RBM14: variants seen among roughly 807,000 people sequenced by gnomAD.
RBM14 encodes RNA binding motif protein 14.
A neutral mutation model predicts 52.8 loss-of-function variants in RBM14; 5 were observed. The observed-to-expected ratio is 0.09, with a 90% CI of 0.05 to 0.20. RBM14 has a LOEUF of 0.20. Among genes scored for constraint, RBM14 ranks in the 10% least tolerant of loss-of-function variants. The pLI is 1.00. For synonymous variants in RBM14, 411 were observed against 401.8 expected, an observed-to-expected ratio of 1.02 and a Z score of -0.28; for missense variants, 780 against 926.6, an observed-to-expected ratio of 0.84 and a Z score of 2.05.
In RBM14 at chr11:66,616,656, C is replaced by A. The variant is rs1001772714; in HGVS notation, c.-65C>A. 4.0e-6 allele frequency: 6 copies of A among 1,502,630 alleles called. No individual in the cohort carries two copies. The highest frequency in any genetic ancestry group is 2.3e-5 in the Admixed American group (1 of 43,306). 93.1% of individuals were successfully genotyped at this position (1,502,630 alleles called of 1,614,324 possible). ...TTCCTGAGGAGGACTGCCGGTCGTT[C>A]GGACGTCTTGCCTGTCGCTGGAGGA... On this transcript the variant is annotated 5_prime_UTR_variant, in exon 1 of 3. Coordinates refer to ENST00000310137, the MANE Select transcript of RBM14 (RefSeq NM_006328.4).
Position 66,625,538 on chromosome 11 carries a change from G to T in RBM14, c.1662G>T (p.Pro554=). ...PGNAYDGAGQ[P]SAAYLSMSQG... ...ATGCCTACGATGGGGCAGGTCAGCC[G>T]TCTGCAGCCTACCTGTCCATGTCCC... Residue 554 remains proline (P), a synonymous_variant, in exon 2 of 3, where the codon CCG becomes CCT. Coordinates refer to ENST00000310137, the MANE Select transcript of RBM14 (RefSeq NM_006328.4). The surrounding 1 kb of genome is among the most constrained non-coding windows in gnomAD (Gnocchi z 4.2). The T allele has an allele frequency of 6.2e-7, 1 of 1,612,560 alleles. No individual in the cohort carries two copies. Among genetic ancestry groups the T allele is most frequent in the South Asian group, 1.1e-5 (1 of 91,018 alleles).
In RBM14 at chr11:66,628,929, T is replaced by A. The variant is rs1937932536; in HGVS notation, c.*2261T>A. ...ATGTTCTGTGTTGCAGCCCCAGCTCTTGAAAGTGACCTGGCCCAGATGAGC... is the reference window on the plus strand; with the variant it reads ...ATGTTCTGTGTTGCAGCCCCAGCTCATGAAAGTGACCTGGCCCAGATGAGC... On this transcript the variant is annotated 3_prime_UTR_variant, in exon 3 of 3. Transcript: ENST00000310137. 1.3e-5 allele frequency among the ~76,000 whole-genome samples: 2 copies of A among 152,178 alleles called. No individual in the cohort carries two copies. Among genetic ancestry groups the A allele is most frequent in the South Asian group, 4.1e-4 (2 of 4,828 alleles).
intron 1 of RBM14, chr11:66,623,757 G>C (rs1937654199): frequency 1.6e-6 from 1 of 644,210 alleles, no homozygotes; most frequent in South Asian, 1.8e-5. Flanking sequence ...CAAAACGTGA[G>C]TGGTCATTTC....
Position 66,627,598 on chromosome 11 carries a change from A to C in RBM14, c.*930A>C, listed in dbSNP as rs1659367791. 6.6e-6 allele frequency among the ~76,000 whole-genome samples: 1 copy of C among 152,162 alleles called. No individual in the cohort carries two copies. Among genetic ancestry groups the C allele is most frequent in the Non-Finnish European group, 1.5e-5 (1 of 68,030 alleles). ...CCCTCAACTTGAGTTAGTCACACCA[A>C]AATGCAGTAAATGATGCCCATTTTC... is the stretch of plus-strand genomic sequence containing the variant. On this transcript the variant is annotated 3_prime_UTR_variant, in exon 3 of 3. Coordinates refer to ENST00000310137, the MANE Select transcript of RBM14 (RefSeq NM_006328.4).
In RBM14 at chr11:66,616,943, C is replaced by G; in HGVS notation, c.223C>G (p.Pro75Ala). ...ALVVEMSRPR[P>A]LNTWKIFVGN... ...CGTGGTGGAGATGTCGCGCCCAAGGCCTCTTAATACTTGGAAGATTTTCGT... is the reference window on the plus strand; with the variant it reads ...CGTGGTGGAGATGTCGCGCCCAAGGGCTCTTAATACTTGGAAGATTTTCGT... Residue 75 changes from proline (P) to alanine (A), a missense_variant, in exon 1 of 3, where the codon CCT becomes GCT. Coordinates refer to ENST00000310137, the MANE Select transcript of RBM14 (RefSeq NM_006328.4). The G allele has an allele frequency of 6.2e-7, 1 of 1,612,522 alleles. No individual in the cohort carries two copies. Among genetic ancestry groups the G allele is most frequent in the Non-Finnish European group, 8.5e-7 (1 of 1,179,652 alleles).
chr11:66,623,799 C>T, intron 1 of RBM14: 2 of 693,468 alleles, frequency 2.9e-6, no homozygotes, highest in Non-Finnish European at 5.4e-6. Flanking sequence ...CAAAAGTGAG[C>T]TAGGCCTCAA....
chr11:66,621,329 A>G (rs1300311637), intron 1 of RBM14, among the ~76,000 whole-genome samples: 2 of 152,092 alleles, frequency 1.3e-5, no homozygotes, highest in African/African-American at 2.4e-5. Context: ...GGTGGTAGAT[A>G]AGGCTCTGGC....
At position 66,625,557 on chromosome 11, in the gene RBM14, A is replaced by G. The variant is rs373772928; in HGVS notation, c.1681A>G (p.Met561Val). 8.1e-6 allele frequency: 13 copies of G among 1,612,272 alleles called. No individual in the cohort carries two copies. Among genetic ancestry groups the G allele is most frequent in the African/African-American group, 8.0e-5 (6 of 74,814 alleles). ...AGQPSAAYLS[M>V]SQGAVANANS... The stretch of plus-strand genomic sequence containing the variant: ...TCAGCCGTCTGCAGCCTACCTGTCC[A>G]TGTCCCAGGGGGCCGTTGCCAACGC... Residue 561 changes from methionine to valine, a missense_variant, in exon 2 of 3, where the codon ATG (methionine) becomes GTG (valine). Met to Val is a conservative substitution (Grantham distance 21). Around this residue, in one of 4 missense-constraint regions of RBM14, gnomAD observed 675 missense variants for 697.3 expected, o/e 0.97. Transcript: ENST00000310137. This position sits in a 1 kb window ranked among gnomAD's most constrained non-coding sequence, Gnocchi z 4.2.
In RBM14 at chr11:66,624,653, T is replaced by C; in HGVS notation, c.777T>C (p.Val259=). 1 of 1,613,380 alleles carries C rather than the reference T, an allele frequency of 6.2e-7. No homozygotes were observed. The highest frequency in any genetic ancestry group is 8.5e-7 in the Non-Finnish European group (1 of 1,179,946). ...CCCAGCCTTCTGCCTCTTTGGGTGT[T>C]GGCTATCGGACTCAGCCCATGACAG... The part of the protein sequence containing the change: ...YRAQPSASLG[V]GYRTQPMTAQ... Residue 259 remains valine (V), a synonymous_variant, in exon 2 of 3, where the codon GTT becomes GTC. Transcript: ENST00000310137. This position sits in a 1 kb window ranked among gnomAD's most constrained non-coding sequence, Gnocchi z 4.7.
rs1396579057 is a variant in RBM14, at chr11:66,629,925, A to AG, written c.*3257_*3258insG. 9.0e-3 allele frequency among the ~76,000 whole-genome samples: 1,356 copies of AG among 150,852 alleles called. 22 individuals carry two copies. Among genetic ancestry groups the AG allele is most frequent in the African/African-American group, 0.031 (1,252 of 41,008 alleles). ...GACCTTGTCTCTACCAAAAGAAAAG[A>AG]AAAAAAAAAGCCAGCTGTGGTGGCA... On this transcript the variant is annotated 3_prime_UTR_variant, in exon 3 of 3. Coordinates refer to ENST00000310137, the MANE Select transcript of RBM14 (RefSeq NM_006328.4).
In RBM14 at chr11:66,620,232, C is replaced by G. The variant is rs1455025478; in HGVS notation, c.337+3175C>G. On this transcript the variant is annotated intron_variant, in intron 1 of 2. Coordinates refer to ENST00000310137, the MANE Select transcript of RBM14 (RefSeq NM_006328.4). ...TCCCCTCCAGTGTCAGGCTTAGAAA[C>G]TTCCTGATACAATTTGGTTATAATT... Among the ~76,000 whole-genome samples, 9 of 152,294 alleles carry G rather than the reference C, an allele frequency of 5.9e-5. No homozygotes were observed. The East Asian group carries it at 1.7e-3, about 29-fold the overall frequency.
At chr11:66,623,219 C>T (rs1281943434) in intron 1 of RBM14, among the ~76,000 whole-genome samples, 1 of 152,116 alleles carries the variant, frequency 6.6e-6, no homozygotes, top group African/African-American at 2.4e-5. Flanking sequence ...AACAGAAGCC[C>T]AAGGTGTAAG....
In RBM14 at chr11:66,625,747, G is replaced by T; in HGVS notation, c.1802+69G>T. ...GCAAGGGGCTGAGGTTGGCATGGGA[G>T]GGAAACTGGAGGCATCGGCCCCTCC... On this transcript the variant is annotated intron_variant, in intron 2 of 2. Coordinates refer to ENST00000310137, the MANE Select transcript of RBM14 (RefSeq NM_006328.4). The surrounding 1 kb of genome is among the most constrained non-coding windows in gnomAD (Gnocchi z 4.2). The T allele has an allele frequency of 7.8e-7, 1 of 1,289,994 alleles. No homozygotes were observed. Among genetic ancestry groups the T allele is most frequent in the African/African-American group, 1.5e-5 (1 of 67,360 alleles). 79.9% of individuals were successfully genotyped at this position (1,289,994 alleles called of 1,614,324 possible). A position where few individuals can be genotyped will look rare whatever the true frequency, so the allele number is the denominator to read the frequency against.
Position 66,624,834 on chromosome 11 carries a change from G to C in RBM14, c.958G>C (p.Gly320Arg), listed in dbSNP as rs761634307. 1.9e-6 allele frequency: 3 copies of C among 1,613,894 alleles called. No individual in the cohort carries two copies. The highest frequency in any genetic ancestry group is 2.2e-5 in the East Asian group (1 of 44,868). The change falls in exon 2 of 3, where the codon GGT becomes CGT. Residue 320 changes from glycine to arginine, a missense_variant. By Grantham distance (125) the Gly-to-Arg change is moderately radical (BLOSUM62 -2). Around this residue, in one of 4 missense-constraint regions of RBM14, gnomAD observed 675 missense variants for 697.3 expected, o/e 0.97. Coordinates refer to ENST00000310137, the MANE Select transcript of RBM14 (RefSeq NM_006328.4). The surrounding 1 kb of genome is among the most constrained non-coding windows in gnomAD (Gnocchi z 4.7). Reference protein sequence around the residue: ...PSASALSSYGGQAAAASSLNS... With the variant: ...PSASALSSYGRQAAAASSLNS... ...AGCCTCGGCCCTTTCCTCCTATGGG[G>C]GTCAGGCAGCTGCAGCTTCTTCGCT...
intron 1 of RBM14, 48 bp downstream of exon 1, chr11:66,617,105 G>T: frequency 5.9e-6 from 9 of 1,533,448 alleles, no homozygotes; most frequent in Non-Finnish European, 7.9e-6. Flanking sequence ...GGGGCACTCT[G>T]CCTGTTAGCC....
At chr11:66,621,599 A>G (rs958483578) in intron 1 of RBM14, among the ~76,000 whole-genome samples, 2 of 151,468 alleles carry the variant, frequency 1.3e-5, no homozygotes, top group South Asian at 4.2e-4. Flanking sequence ...CTGGTCTTGA[A>G]CTCCTGACCT....
chr11:66,620,815 C>T (rs1859071846), intron 1 of RBM14: 1 of 151,932 alleles, frequency 6.6e-6, no homozygotes, highest in Non-Finnish European at 1.5e-5. Context: ...ATAATCAGGA[C>T]TGTTAGAATT....
At chr11:66,618,235 C>T (rs1227852436) in intron 1 of RBM14, among the ~76,000 whole-genome samples, 3 of 152,104 alleles carry the variant, frequency 2.0e-5, no homozygotes, top group African/African-American at 7.2e-5. Flanking sequence ...GAAGATGCAG[C>T]CTGGGAGTAT....
rs537748476 is a variant in RBM14 at position 66,626,419 on chromosome 11, C to T, written c.1803-42C>T. On this transcript the variant is annotated intron_variant, in intron 2 of 2. Transcript: ENST00000310137. ...CCCAATGCCCACCTGGAGTCCTCCC[C>T]TCAATTGTCTCATTCACCAACTGTC... 7.0e-6 allele frequency: 11 copies of T among 1,570,958 alleles called. No individual in the cohort carries two copies. In the East Asian group the frequency reaches 2.0e-4, roughly 29 times the overall value.
Sources: allele counts gnomAD v4.1 joint callset (sites outside exome capture counted in the v4.1 genomes callset), GRCh38; gene constraint gnomAD v4.1.1; regional missense constraint gnomAD v4.1.1; non-coding constraint Gnocchi (gnomAD v3.1); transcripts MANE v1.5; gene names NCBI Gene and HGNC (gene_info 2026-07-23, HGNC 2026-07-21).